LRRC4C: variants seen among roughly 807,000 people sequenced by gnomAD.
LRRC4C encodes leucine-rich repeat-containing protein 4C.
Under a neutral mutation model 33.6 loss-of-function variants are expected in LRRC4C, and 5 were observed. The ratio of observed to expected loss-of-function variants is 0.15; its 90% CI spans 0.08 to 0.31. The LOEUF is 0.31. LRRC4C is among the 10% of genes least tolerant of loss of function. LRRC4C has a pLI of 1.00. For missense variants in LRRC4C, 560 were observed against 796.7 expected, an observed-to-expected ratio of 0.70 and a Z score of 3.58; for synonymous variants, 329 against 302.0, an observed-to-expected ratio of 1.09 and a Z score of -0.93.
chr11:40,588,785 T>G (rs957046793), intron 3 of LRRC4C, among the ~76,000 whole-genome samples: 4 of 152,206 alleles, frequency 2.6e-5, no homozygotes, highest in African/African-American at 9.6e-5. Flanking sequence ...AGTTGAGCAG[T>G]TTTGAGTGAG....
At chr11:41,138,262 A>G (rs542287950) in intron 1 of LRRC4C, among the ~76,000 whole-genome samples, 1 of 152,362 alleles carries the variant, frequency 6.6e-6, no homozygotes, top group Admixed American at 6.5e-5. Flanking sequence ...TTTCAGTGTC[A>G]TAGGACATTT....
At chr11:40,430,746 CA>C (rs1000413796) in intron 3 of LRRC4C, among the ~76,000 whole-genome samples, 3 of 151,948 alleles carry the variant, frequency 2.0e-5, no homozygotes, top group African/African-American at 7.3e-5. Flanking sequence ...GATGTTACGT[CA>C]AATAAAGAGC....
chr11:41,228,647 CT>C (rs373418262), intron 1 of LRRC4C, among the ~76,000 whole-genome samples: 13 of 152,054 alleles, frequency 8.5e-5, no homozygotes, highest in Admixed American at 6.6e-4. Context: ...AGATTGATAT[CT>C]TTTTTTGCTT....
At chr11:40,985,430 T>G (rs1319558160) in intron 1 of LRRC4C, among the ~76,000 whole-genome samples, 1 of 152,138 alleles carries the variant, frequency 6.6e-6, no homozygotes, top group Admixed American at 6.5e-5. Context: ...TTTTATTTTC[T>G]TGTAGTTTGG....
chr11:40,934,858 T>C (rs541636235), intron 1 of LRRC4C, among the ~76,000 whole-genome samples: 1 of 152,294 alleles, frequency 6.6e-6, no homozygotes, highest in African/African-American at 2.4e-5. Context: ...ATAAGCTATT[T>C]ATATTTAGAA....
chr11:40,799,306 A>C (rs1397842718), intron 2 of LRRC4C, among the ~76,000 whole-genome samples: 1 of 152,146 alleles, frequency 6.6e-6, no homozygotes, highest in African/African-American at 2.4e-5. Context: ...AAATGTATCA[A>C]AACATCACAT....
chr11:40,622,668 T>G (rs908593671), intron 3 of LRRC4C, among the ~76,000 whole-genome samples: 12 of 151,894 alleles, frequency 7.9e-5, no homozygotes, highest in African/African-American at 2.7e-4. Context: ...TTGTTTAAAC[T>G]TTTTGCTAAA....
At chr11:41,307,064 G>A (rs1207008414) in intron 1 of LRRC4C, among the ~76,000 whole-genome samples, 2 of 152,162 alleles carry the variant, frequency 1.3e-5, no homozygotes, top group Non-Finnish European at 2.9e-5. Flanking sequence ...TGATATTTAA[G>A]CAGCTCAAGA....
chr11:40,693,027 A>G (rs899755289), intron 2 of LRRC4C, among the ~76,000 whole-genome samples: 5 of 152,114 alleles, frequency 3.3e-5, no homozygotes, highest in African/African-American at 1.2e-4. Context: ...CATCTATAAT[A>G]TCACAGCCAG....
intron 1 of LRRC4C, among the ~76,000 whole-genome samples, chr11:41,254,781 C>A (rs1174441758): frequency 6.6e-6 from 1 of 152,002 alleles, no homozygotes; most frequent in East Asian, 1.9e-4. Context: ...AATTCACATT[C>A]TTTGACAATG....
At chr11:40,969,064 C>A (rs1303129928) in intron 1 of LRRC4C, among the ~76,000 whole-genome samples, 1 of 152,060 alleles carries the variant, frequency 6.6e-6, no homozygotes, top group Non-Finnish European at 1.5e-5. Context: ...ATTCATGATT[C>A]ATGAAAAGAG....
intron 1 of LRRC4C, among the ~76,000 whole-genome samples, chr11:41,263,235 G>C (rs565157840): frequency 6.6e-6 from 1 of 152,018 alleles, no homozygotes; most frequent in Non-Finnish European, 1.5e-5. Flanking sequence ...ATTTATTATT[G>C]ATTTTTTGAC....
At position 40,122,952 on chromosome 11, in the gene LRRC4C, T is replaced by TACACACACACACACACAC. The variant is rs371461809; in HGVS notation, c.-42-6636_-42-6619dup. 4.3e-5 allele frequency among the ~76,000 whole-genome samples: 6 copies of TACACACACACACACACAC among 140,404 alleles called. No individual in the cohort carries two copies. The East Asian group carries it at 6.1e-4, about 14-fold the overall frequency. The allele number at this position is 140,404 out of a possible 152,430, so 92.1% of individuals were successfully genotyped here. On this transcript the variant is annotated intron_variant, in intron 6 of 6. Transcript: ENST00000528697. ...AAGTGTATGTGTATATATATATTTATACACACACACACACACACACACACA... is the reference window on the plus strand; with the variant it reads ...AAGTGTATGTGTATATATATATTTATACACACACACACACACACACACACACACACACACACACACACA...
chr11:41,209,574 G>A (rs1293160998), intron 1 of LRRC4C, among the ~76,000 whole-genome samples: 1 of 151,806 alleles, frequency 6.6e-6, no homozygotes, highest in African/African-American at 2.4e-5. Flanking sequence ...GAACCTGGGA[G>A]GCTGAGGTTG....
intron 1 of LRRC4C, among the ~76,000 whole-genome samples, chr11:41,169,167 T>C (rs1042962330): frequency 6.6e-6 from 1 of 152,228 alleles, no homozygotes; most frequent in Non-Finnish European, 1.5e-5. Context: ...TCACTATTCC[T>C]AGATTAAGAG....
rs181533298 is a variant in LRRC4C, at chr11:40,606,484, G to T, written c.-270+41658C>A. 1.7e-3 allele frequency among the ~76,000 whole-genome samples: 254 copies of T among 151,800 alleles called. 2 individuals are homozygous for T. Among genetic ancestry groups the T allele is most frequent in the Non-Finnish European group, 2.8e-3 (191 of 67,936 alleles). On this transcript the variant is annotated intron_variant, in intron 3 of 6. Transcript: ENST00000528697. ...AGGAGAGATTTTTTTTCAAATGAAT[G>T]ATAACAACATAAAATTACAAGGCAC...
At chr11:40,432,718 C>T (rs139104996) in intron 3 of LRRC4C, among the ~76,000 whole-genome samples, 1 of 152,288 alleles carries the variant, frequency 6.6e-6, no homozygotes, top group African/African-American at 2.4e-5. Context: ...ACTTTCATCA[C>T]CTGATTTATT....
At chr11:41,050,445 G>A (rs976269770) in intron 1 of LRRC4C, among the ~76,000 whole-genome samples, 1 of 151,502 alleles carries the variant, frequency 6.6e-6, no homozygotes, top group Non-Finnish European at 1.5e-5. Context: ...CCCTCCCCTT[G>A]CCCCCTACCC....
intron 5 of LRRC4C, among the ~76,000 whole-genome samples, chr11:40,192,443 G>T (rs116167145): frequency 0.012 from 1,891 of 152,294 alleles, 37 homozygotes; most frequent in African/African-American, 0.04. Context: ...TTTATCTCAC[G>T]GTCTTCGCAA....
Sources: allele counts gnomAD v4.1 joint callset (sites outside exome capture counted in the v4.1 genomes callset), GRCh38; gene constraint gnomAD v4.1.1; transcripts MANE v1.5; gene names NCBI Gene and HGNC (gene_info 2026-07-23, HGNC 2026-07-21).